TBCE: variants seen among roughly 807,000 people sequenced by gnomAD.
TBCE encodes tubulin-specific chaperone E.
A neutral mutation model predicts 77.0 loss-of-function variants in TBCE; 53 were observed. The observed-to-expected ratio is 0.69, with a 90% confidence interval of 0.55 to 0.87. The LOEUF (loss-of-function observed/expected upper bound fraction) is 0.87, where lower values mean the gene tolerates loss of function less well. TBCE is among the 40% of genes least tolerant of loss of function. The pLI is 0.00. For synonymous variants in TBCE, 235 were observed against 241.3 expected (o/e 0.97, Z 0.24); for missense variants, 624 against 622.4 (o/e 1.00, Z -0.03).
chr1:235,432,498 A>T (rs1681163759), intron 7 of TBCE, among the ~76,000 whole-genome samples: 1 of 152,118 alleles, frequency 6.6e-6, no homozygotes, highest in Non-Finnish European at 1.5e-5. Flanking sequence ...AAGGGGCCAG[A>T]CACTGGCACT....
chr1:235,422,356 AC>A (rs1342501262), intron 5 of TBCE, among the ~76,000 whole-genome samples: 2 of 150,978 alleles, frequency 1.3e-5, no homozygotes, highest in Non-Finnish European at 2.9e-5. Flanking sequence ...TACTAAAAAT[AC>A]AAAAAATTAA....
intron 1 of TBCE, among the ~76,000 whole-genome samples, chr1:235,379,467 G>T (rs536275927): frequency 1.4e-4 from 21 of 152,126 alleles, no homozygotes; most frequent in South Asian, 1.0e-3. Flanking sequence ...GGTGGAGGTT[G>T]CAGTGAGCCG....
intron 3 of TBCE, among the ~76,000 whole-genome samples, chr1:235,406,829 C>CT (rs141351182): frequency 0.01 from 784 of 76,168 alleles, 8 homozygotes; most frequent in African/African-American, 0.015. Flanking sequence ...TGCTCCTGGG[C>CT]TTTTTTTTTT....
At chr1:235,439,064 A>G in intron 13 of TBCE, 142 bp downstream of exon 13, 1 of 1,197,938 alleles carries the variant, frequency 8.3e-7, no homozygotes, top group Non-Finnish European at 1.2e-6. Context: ...TGAATGGACT[A>G]TAGGCACTTT....
At chr1:235,430,210 T>G (rs16832609) in intron 6 of TBCE, 3,450 of 156,514 alleles carry the variant, frequency 0.022, 138 homozygotes, top group African/African-American at 0.078. Context: ...ACTGTCAGGA[T>G]TGAATACTTT....
chr1:235,397,649 A>G (rs183726202), intron 2 of TBCE, among the ~76,000 whole-genome samples: 94 of 152,312 alleles, frequency 6.2e-4, no homozygotes, highest in African/African-American at 2.0e-3. Flanking sequence ...ATAGGAAACA[A>G]ATTAGGTTGA....
chr1:235,436,937 G>A (rs1349322638), intron 11 of TBCE, among the ~76,000 whole-genome samples: 1 of 150,700 alleles, frequency 6.6e-6, no homozygotes, highest in African/African-American at 2.4e-5. Flanking sequence ...TGACCAACAT[G>A]GTGAAACCCC....
intron 4 of TBCE, chr1:235,419,238 T>A (rs1196527693): frequency 1.6e-6 from 1 of 609,196 alleles, no homozygotes; most frequent in Non-Finnish European, 2.8e-6. Context: ...CCTCTGGGAG[T>A]AGAGGGAGAA....
intron 6 of TBCE, chr1:235,430,424 TTTTG>T: frequency 9.2e-6 from 3 of 327,370 alleles, no homozygotes; most frequent in South Asian, 5.6e-5. Context: ...AATGCCTGAG[TTTTG>T]GGTTTAGGAA....
chr1:235,413,363 T>TAAA lies in TBCE; in HGVS notation c.186-1054_186-1052dup, dbSNP rs869060658. The stretch of plus-strand genomic sequence containing the variant: ...GTGACAGAGTGAGACCCCCTTTCTT[T>TAAA]AAAAAAAAAAAAAAAAAATTAGGCG... On this transcript the variant is annotated intron_variant, in intron 3 of 16. Transcript: ENST00000642610. Among the ~76,000 whole-genome samples the TAAA allele has an allele frequency of 1.1e-3, 150 of 138,448 alleles. 3 individuals carry two copies. The highest frequency in any genetic ancestry group is 3.7e-3 in the African/African-American group (138 of 37,696). The allele number at this position is 138,448 out of a possible 152,430, so 90.8% of individuals were successfully genotyped here. A position where few individuals can be genotyped will look rare whatever the true frequency, so the allele number is the denominator to read the frequency against.
At chr1:235,439,858 G>A (rs1245537770) in intron 13 of TBCE, among the ~76,000 whole-genome samples, 2 of 151,974 alleles carry the variant, frequency 1.3e-5, no homozygotes, top group Admixed American at 1.3e-4. Context: ...CTGGAGTGCA[G>A]TGGCACAATC....
At chr1:235,373,809 T>C (rs12134675) in intron 1 of TBCE, among the ~76,000 whole-genome samples, 99,372 of 140,160 alleles carry the variant, frequency 0.71, 37,912 homozygotes, top group African/African-American at 0.9. Context: ...CCACCACGCC[T>C]GGCTAATTTT....
At position 235,449,092 on chromosome 1, in the gene TBCE, T is replaced by C; in HGVS notation, c.*330T>C. ...AAAATCTGAACACAGTTAATATCTG[T>C]CATAAGACTAGTTTTAATGGAATTC... On this transcript the variant is annotated 3_prime_UTR_variant, in exon 17 of 17. Transcript: ENST00000642610. 1 of 305,318 alleles carries C rather than the reference T, an allele frequency of 3.3e-6. No homozygotes were observed. Among genetic ancestry groups the C allele is most frequent in the Non-Finnish European group, 6.3e-6 (1 of 158,226 alleles). 18.9% of individuals were successfully genotyped at this position (305,318 alleles called of 1,614,324 possible).
intron 6 of TBCE, chr1:235,430,421 G>C (rs1213210150): frequency 9.1e-6 from 3 of 329,036 alleles, no homozygotes; most frequent in South Asian, 5.6e-5. Context: ...GCAAATGCCT[G>C]AGTTTTGGGT....
At chr1:235,410,252 A>C (rs1679706770) in intron 3 of TBCE, among the ~76,000 whole-genome samples, 1 of 152,096 alleles carries the variant, frequency 6.6e-6, no homozygotes, top group African/African-American at 2.4e-5. Flanking sequence ...ATCTCCAAAA[A>C]AAATTATAAT....
intron 2 of TBCE, among the ~76,000 whole-genome samples, chr1:235,398,904 C>CAA (rs1412156085): frequency 2.6e-5 from 4 of 151,768 alleles, no homozygotes; most frequent in Admixed American, 2.6e-4. Flanking sequence ...CTTGGCCTCC[C>CAA]AAAGTGCTGG....
At chr1:235,439,064 A>C in intron 13 of TBCE, 142 bp downstream of exon 13, 2 of 1,197,938 alleles carry the variant, frequency 1.7e-6, no homozygotes, top group Admixed American at 3.7e-5. Context: ...TGAATGGACT[A>C]TAGGCACTTT....
chr1:235,435,313 C>A (rs1435619757), intron 8 of TBCE, among the ~76,000 whole-genome samples: 1 of 152,114 alleles, frequency 6.6e-6, no homozygotes, highest in Non-Finnish European at 1.5e-5. Context: ...GTTGGCCCGG[C>A]TGGTCTTGAA....
At chr1:235,386,726 T>A (rs1678032432) in intron 2 of TBCE, among the ~76,000 whole-genome samples, 1 of 152,216 alleles carries the variant, frequency 6.6e-6, no homozygotes, top group South Asian at 2.1e-4. Context: ...GTTTTTAACT[T>A]CTTTGCCTTT....
Sources: allele counts gnomAD v4.1 joint callset (sites outside exome capture counted in the v4.1 genomes callset), GRCh38; gene constraint gnomAD v4.1.1; transcripts MANE v1.5; gene names NCBI Gene and HGNC (gene_info 2026-07-23, HGNC 2026-07-21).